Variants in TENM2 observed in about 807,000 individuals in gnomAD.
The protein encoded by TENM2 is teneurin transmembrane protein 2.
TENM2 carries 52 observed loss-of-function variants against 245.2 expected under a neutral mutation model. That is an observed-to-expected ratio of 0.21 (90% CI 0.17 to 0.27). TENM2 has a LOEUF of 0.27. TENM2 is among the 10% of genes least tolerant of loss of function. The pLI, the probability that TENM2 is intolerant of heterozygous loss-of-function variation, is 1.00. For missense variants in TENM2, 3,046 were observed against 3,666.8 expected, an observed-to-expected ratio of 0.83 and a Z score of 4.37; for synonymous variants, 1,363 against 1,438.9, an observed-to-expected ratio of 0.95 and a Z score of 1.19.
At chr5:167,685,584 T>C (rs1757020845) in intron 2 of TENM2, among the ~76,000 whole-genome samples, 1 of 152,222 alleles carries the variant, frequency 6.6e-6, no homozygotes, top group Admixed American at 6.5e-5. Flanking sequence ...AGAGAATGTT[T>C]ACTCCTGTCT....
At chr5:167,758,652 C>T (rs1226495838) in intron 2 of TENM2, among the ~76,000 whole-genome samples, 1 of 152,056 alleles carries the variant, frequency 6.6e-6, no homozygotes, top group East Asian at 1.9e-4. Context: ...CTTTTATAAG[C>T]ACTTGCTGGT....
intron 2 of TENM2, 39 bp from the exon 5 acceptor site, chr5:167,875,947 C>T (rs1346200829): frequency 7.0e-7 from 1 of 1,426,504 alleles, no homozygotes; most frequent in Admixed American, 2.0e-5. Flanking sequence ...TCTCGTGACA[C>T]TCATTGCTGA....
At chr5:167,214,758 A>G in the TENM2 span, among the ~76,000 whole-genome samples, 1 of 152,182 alleles carries the variant, frequency 6.6e-6, no homozygotes, top group African/African-American at 2.4e-5. Context: ...AAGGGACCCG[A>G]TGAATGAATA....
chr5:167,597,141 ATTTCTTTTCT>A (rs1315621940), intron 2 of TENM2, among the ~76,000 whole-genome samples: 132 of 141,068 alleles, frequency 9.4e-4, no homozygotes, highest in African/African-American at 3.3e-3. Context: ...ACCCATACAT[ATTTCTTTTCT>A]TTTCTTTTCT....
chr5:168,075,095 C>A lies in TENM2; in HGVS notation c.1515+12830C>A, dbSNP rs186920970. On this transcript the variant is annotated intron_variant, in intron 7 of 28. Transcript: ENST00000518659. ...TTTTATCCCTCACCCCGCTTCCACCCTTTCCCCTGAGGCCCCAAAGTCCAT... is the reference window on the plus strand; with the variant it reads ...TTTTATCCCTCACCCCGCTTCCACCATTTCCCCTGAGGCCCCAAAGTCCAT... 3.7e-4 allele frequency among the ~76,000 whole-genome samples: 56 copies of A among 152,252 alleles called. No homozygotes were observed. The East Asian group carries it at 9.3e-3, about 25-fold the overall frequency.
the TENM2 span, among the ~76,000 whole-genome samples, chr5:167,004,367 A>G: frequency 2.1e-4 from 32 of 152,310 alleles, no homozygotes; most frequent in South Asian, 6.2e-3. Context: ...AAACTCTACC[A>G]TATTTGCTTT....
the TENM2 span, among the ~76,000 whole-genome samples, chr5:167,237,533 CAA>C: frequency 0.21 from 32,340 of 151,924 alleles, 3,960 homozygotes; most frequent in African/African-American, 0.34. Flanking sequence ...TTATATGAAA[CAA>C]TGATGTTTAA....
chr5:168,090,873 G>A, intron 8 of TENM2, 104 bp downstream of exon 10: 1 of 996,956 alleles, frequency 1.0e-6, no homozygotes, highest in Non-Finnish European at 1.5e-6. Context: ...TACTACAGAT[G>A]ACAACCAACC....
intron 2 of TENM2, among the ~76,000 whole-genome samples, chr5:167,421,271 A>G (rs1316133213): frequency 6.6e-6 from 1 of 152,222 alleles, no homozygotes; most frequent in African/African-American, 2.4e-5. Flanking sequence ...AATAAAGGTA[A>G]TTATATTTGA....
chr5:167,983,512 C>T (rs1226448039), intron 4 of TENM2, among the ~76,000 whole-genome samples: 1 of 152,158 alleles, frequency 6.6e-6, no homozygotes, highest in Non-Finnish European at 1.5e-5. Flanking sequence ...ACGGCATATG[C>T]AAATGTAGTG....
At chr5:167,173,424 A>T in the TENM2 span, among the ~76,000 whole-genome samples, 1 of 152,208 alleles carries the variant, frequency 6.6e-6, no homozygotes, top group Non-Finnish European at 1.5e-5. Flanking sequence ...AGAGGTTCCC[A>T]GATGGGCTAG....
chr5:167,445,326 T>TAGAG (rs1394963206), intron 2 of TENM2, among the ~76,000 whole-genome samples: 6 of 32,872 alleles, frequency 1.8e-4, no homozygotes, highest in East Asian at 2.4e-3. Flanking sequence ...TATATATATA[T>TAGAG]ATATATATAT....
intron 5 of TENM2, among the ~76,000 whole-genome samples, chr5:167,994,270 G>A (rs577734965): frequency 4.0e-4 from 61 of 152,326 alleles, no homozygotes; most frequent in African/African-American, 1.4e-3. Context: ...TTCCCAACAC[G>A]TATGCTGAAA....
chr5:167,464,861 G>C (rs1010053684), intron 2 of TENM2, among the ~76,000 whole-genome samples: 1 of 152,118 alleles, frequency 6.6e-6, no homozygotes, highest in Non-Finnish European at 1.5e-5. Context: ...CTGAAAAAAA[G>C]CACTTCACTA....
chr5:167,712,570 A>T (rs1758981001), intron 2 of TENM2, among the ~76,000 whole-genome samples: 1 of 152,320 alleles, frequency 6.6e-6, no homozygotes, highest in African/African-American at 2.4e-5. Flanking sequence ...TATAGGGAAG[A>T]ACTATCTGAG....
chr5:167,383,399 C>G (rs1441399045), intron 2 of TENM2, among the ~76,000 whole-genome samples: 1 of 152,048 alleles, frequency 6.6e-6, no homozygotes, highest in South Asian at 2.1e-4. Context: ...TGCTGTCTCA[C>G]CCATGTAAGT....
intron 1 of TENM2, among the ~76,000 whole-genome samples, chr5:167,331,213 G>A (rs571011318): frequency 3.1e-4 from 39 of 125,318 alleles, no homozygotes; most frequent in Non-Finnish European, 5.7e-4. Context: ...TCCAGCCAGG[G>A]CAACAGAGTG....
At chr5:167,939,422 T>C (rs1365230334) in intron 3 of TENM2, among the ~76,000 whole-genome samples, 1 of 152,184 alleles carries the variant, frequency 6.6e-6, no homozygotes, top group African/African-American at 2.4e-5. Flanking sequence ...CCAGTTCCTG[T>C]ACTGGCCTGT....
At position 168,033,285 on chromosome 5, in the gene TENM2, A is replaced by T. The variant is rs187064984; in HGVS notation, c.1187-14142A>T. ...TAGATTTCATGAAAACCATGAACACAGTAAATGATGACTATGGTTAAGGAA... is the reference window on the plus strand; with the variant it reads ...TAGATTTCATGAAAACCATGAACACTGTAAATGATGACTATGGTTAAGGAA... On this transcript the variant is annotated intron_variant, in intron 5 of 28. Transcript: ENST00000518659. 7.9e-5 allele frequency: 12 copies of T among 152,332 alleles called. No individual in the cohort carries two copies. In the East Asian group the frequency reaches 2.1e-3, roughly 27 times the overall value. 9.4% of individuals were successfully genotyped at this position (152,332 alleles called of 1,614,324 possible).
Sources: allele counts gnomAD v4.1 joint callset (sites outside exome capture counted in the v4.1 genomes callset), GRCh38; gene constraint gnomAD v4.1.1; transcripts MANE v1.5; gene names NCBI Gene and HGNC (gene_info 2026-07-23, HGNC 2026-07-21).